The following NOS1AP variants were observed in gnomAD, a reference collection of about 807,000 sequenced individuals.
NOS1AP encodes the protein nitric oxide synthase 1 adaptor protein, also known as carboxyl-terminal PDZ ligand of neuronal nitric oxide synthase protein.
NOS1AP carries 21 observed loss-of-function variants against 56.2 expected under a neutral mutation model. The ratio of observed to expected loss-of-function variants is 0.37; its 90% CI spans 0.26 to 0.54. NOS1AP has a LOEUF of 0.54. NOS1AP is among the 20% of genes least tolerant of loss of function. The probability of loss-of-function intolerance (pLI) is 0.84; values close to 1 mark genes in which losing one functional copy is unlikely to be tolerated. For synonymous variants in NOS1AP, 270 were observed against 274.6 expected (o/e 0.98, Z 0.17); for missense variants, 522 against 657.8 (o/e 0.79, Z 2.26).
chr1:162,277,204 T>C (rs549457687), intron 2 of NOS1AP, among the ~76,000 whole-genome samples: 1 of 152,322 alleles, frequency 6.6e-6, no homozygotes, highest in South Asian at 2.1e-4. Context: ...GAGAATCATA[T>C]AAGTGGAATC....
chr1:162,281,593 A>G lies in NOS1AP; in HGVS notation c.178-5751A>G, dbSNP rs984615331. ...TGAGCAGATATTTCAAGAATAAACA[A>G]GAGTTCACCAGGCAGATGGTGTGGG... On this transcript the variant is annotated intron_variant, in intron 2 of 9. Transcript: ENST00000361897. Among the ~76,000 whole-genome samples the G allele has an allele frequency of 6.6e-5, 10 of 152,322 alleles. No homozygotes were observed. The East Asian group carries it at 1.7e-3, about 26-fold the overall frequency.
intron 2 of NOS1AP, among the ~76,000 whole-genome samples, chr1:162,208,471 A>G (rs984779616): frequency 1.3e-5 from 2 of 152,196 alleles, no homozygotes; most frequent in African/African-American, 2.4e-5. Flanking sequence ...GCCACCATGT[A>G]TCTACTAGTG....
chr1:162,363,169 T>C (rs543627382), intron 8 of NOS1AP: 1 of 152,372 alleles, frequency 6.6e-6, no homozygotes, highest in Non-Finnish European at 1.5e-5. Context: ...TCACAAGTAA[T>C]AGTTTGTCAC....
At chr1:162,259,478 G>A (rs1296029164) in intron 2 of NOS1AP, among the ~76,000 whole-genome samples, 1 of 152,042 alleles carries the variant, frequency 6.6e-6, no homozygotes, top group Non-Finnish European at 1.5e-5. Context: ...ACAATAGTTT[G>A]ACTTTGCCAT....
At chr1:162,086,343 G>T (rs549233997) in intron 1 of NOS1AP, among the ~76,000 whole-genome samples, 5 of 152,096 alleles carry the variant, frequency 3.3e-5, no homozygotes, top group South Asian at 4.2e-4. Flanking sequence ...CGGAGCTAGG[G>T]ATATTAGACA....
At chr1:162,262,363 T>C (rs2101707727) in intron 2 of NOS1AP, among the ~76,000 whole-genome samples, 1 of 152,350 alleles carries the variant, frequency 6.6e-6, no homozygotes, top group Middle Eastern at 3.4e-3. Flanking sequence ...GAGGAGAGCT[T>C]GATCCTAAGA....
At chr1:162,339,879 C>T (rs1657054242) in intron 5 of NOS1AP, among the ~76,000 whole-genome samples, 1 of 152,172 alleles carries the variant, frequency 6.6e-6, no homozygotes, top group South Asian at 2.1e-4. Context: ...TACTGACCAC[C>T]TTTAAGTAAT....
At chr1:162,134,490 A>G (rs1270266615) in intron 1 of NOS1AP, among the ~76,000 whole-genome samples, 11 of 114,312 alleles carry the variant, frequency 9.6e-5, no homozygotes, top group Non-Finnish European at 1.8e-4. Flanking sequence ...TTGTCTAAAA[A>G]AAAAAAAAAA....
chr1:162,074,470 A>AC (rs1020190627), intron 1 of NOS1AP, among the ~76,000 whole-genome samples: 1 of 151,854 alleles, frequency 6.6e-6, no homozygotes, highest in Non-Finnish European at 1.5e-5. Flanking sequence ...ATCTAGTACA[A>AC]CCCCCTCACC....
intron 2 of NOS1AP, among the ~76,000 whole-genome samples, chr1:162,213,903 C>T (rs534768916): frequency 2.6e-5 from 4 of 152,290 alleles, no homozygotes; most frequent in East Asian, 1.9e-4. Flanking sequence ...GAACCTCATC[C>T]GCTAGAAGTA....
chr1:162,300,671 G>C lies in NOS1AP; in HGVS notation c.309G>C (p.Glu103Asp), dbSNP rs768300852. Residue 103 changes from glutamate to aspartate, a missense_variant, in exon 4 of 10, where the codon GAG becomes GAC. Glu to Asp is a conservative substitution (Grantham distance 45). Around this residue, in one of 4 missense-constraint regions of NOS1AP, gnomAD observed 132 missense variants for 218.1 expected, o/e 0.61. Coordinates refer to ENST00000361897, the MANE Select transcript of NOS1AP (RefSeq NM_014697.3). ...LLQKKEWTWD[E>D]SKMLVMQDPI... ...AGAAAAAGGAATGGACGTGGGATGA[G>C]AGCAAGATGCTGGTGATGCAGGACC... The C allele has an allele frequency of 2.5e-6, 4 of 1,613,964 alleles. No homozygotes were observed. In the African/African-American group the frequency reaches 4.0e-5, roughly 16 times the overall value.
intron 2 of NOS1AP, among the ~76,000 whole-genome samples, chr1:162,265,056 C>T (rs1395195994): frequency 6.6e-6 from 1 of 152,088 alleles, no homozygotes; most frequent in South Asian, 2.1e-4. Context: ...CTCAAATGAT[C>T]CACCCACCTT....
At chr1:162,342,209 G>T (rs1657132505) in intron 5 of NOS1AP, among the ~76,000 whole-genome samples, 1 of 152,210 alleles carries the variant, frequency 6.6e-6, no homozygotes, top group Non-Finnish European at 1.5e-5. Flanking sequence ...AGAAGTGTCA[G>T]GATATTTCAG....
intron 2 of NOS1AP, among the ~76,000 whole-genome samples, chr1:162,204,470 C>T (rs1301694525): frequency 6.6e-6 from 1 of 152,144 alleles, no homozygotes; most frequent in Non-Finnish European, 1.5e-5. Flanking sequence ...CAGGTGATGA[C>T]TGGGGATTGA....
chr1:162,252,585 C>T (rs560548420), intron 2 of NOS1AP, among the ~76,000 whole-genome samples: 5 of 152,164 alleles, frequency 3.3e-5, no homozygotes, highest in South Asian at 4.2e-4. Context: ...TATTTTATCT[C>T]GTAAGTGGAG....
chr1:162,287,571 A>T (rs2101737924), intron 3 of NOS1AP, 135 bp downstream of exon 3: 2 of 733,908 alleles, frequency 2.7e-6, no homozygotes, highest in East Asian at 5.3e-5. Flanking sequence ...TTGAGCAGCA[A>T]TGGTGCTGAC....
At chr1:162,207,176 G>T (rs980193703) in intron 2 of NOS1AP, among the ~76,000 whole-genome samples, 57 of 152,224 alleles carry the variant, frequency 3.7e-4, no homozygotes, top group African/African-American at 1.3e-3. Context: ...CCTTCTCCCT[G>T]AGGAGATTCT....
At chr1:162,280,188 A>G (rs1330777775) in intron 2 of NOS1AP, among the ~76,000 whole-genome samples, 1 of 152,242 alleles carries the variant, frequency 6.6e-6, no homozygotes, top group African/African-American at 2.4e-5. Context: ...GATGTAAAAA[A>G]TGTATGAAAG....
At chr1:162,261,495 A>G (rs1456052275) in intron 2 of NOS1AP, among the ~76,000 whole-genome samples, 1 of 280 alleles carries the variant, frequency 3.6e-3, no homozygotes, top group African/African-American at 7.8e-3. Flanking sequence ...AGAGAGAGAG[A>G]GAGAGAGAGA....
Sources: allele counts gnomAD v4.1 joint callset (sites outside exome capture counted in the v4.1 genomes callset), GRCh38; gene constraint gnomAD v4.1.1; regional missense constraint gnomAD v4.1.1; transcripts MANE v1.5; gene names NCBI Gene and HGNC (gene_info 2026-07-23, HGNC 2026-07-21).